The following LHFPL3 variants were observed in gnomAD, a reference collection of about 807,000 sequenced individuals.
LHFPL3 encodes the protein LHFPL tetraspan subfamily member 3 protein.
LHFPL3 carries 5 observed loss-of-function variants against 19.3 expected under a neutral mutation model. The observed-to-expected ratio is 0.26, with a 90% CI of 0.14 to 0.54. LHFPL3 has a LOEUF of 0.54. Among genes scored for constraint, LHFPL3 ranks in the 20% least tolerant of loss-of-function variants. The pLI is 0.94. For synonymous variants in LHFPL3, 133 were observed against 126.2 expected, an observed-to-expected ratio of 1.05 and a Z score of -0.36; for missense variants, 249 against 307.4, an observed-to-expected ratio of 0.81 and a Z score of 1.42.
intron 1 of LHFPL3, among the ~76,000 whole-genome samples, chr7:104,670,138 CTTTTT>C (rs71155516): frequency 7.1e-6 from 1 of 140,582 alleles, no homozygotes; most frequent in Non-Finnish European, 1.5e-5. Flanking sequence ...GAGGGAATTC[CTTTTT>C]TTTTTTTTTT....
At position 104,383,546 on chromosome 7, in the gene LHFPL3, A is replaced by G. The variant is rs558701076; in HGVS notation, c.445+54322A>G. On this transcript the variant is annotated intron_variant, in intron 1 of 2. Transcript: ENST00000424859. ...AGCATTTACAGATTGAATACACAAC[A>G]CCTGGCTTCTCTTTCAAGGTGATCC... Among the ~76,000 whole-genome samples, 3 of 152,218 alleles carry G rather than the reference A, an allele frequency of 2.0e-5. No homozygotes were observed. The East Asian group carries it at 5.8e-4, about 29-fold the overall frequency.
In LHFPL3 at chr7:104,906,250, G is replaced by A. The variant is rs372641296; in HGVS notation, c.*35G>A. ...AAATCGAATAACAGCTAAACAAATC[G>A]AATAACAGCTAAACGAATCGAATAA... On this transcript the variant is annotated 3_prime_UTR_variant, in exon 3 of 3. Transcript: ENST00000424859. The A allele has an allele frequency of 2.6e-5, 41 of 1,595,954 alleles. No individual in the cohort carries two copies. In the Admixed American group the frequency reaches 3.1e-4, roughly 12 times the overall value.
chr7:104,671,484 A>G (rs1476415347), intron 1 of LHFPL3, among the ~76,000 whole-genome samples: 5 of 149,720 alleles, frequency 3.3e-5, no homozygotes, highest in African/African-American at 1.2e-4. Flanking sequence ...CTGTAGACTT[A>G]TTACCTGGGA....
rs888755355 is a variant in LHFPL3, at chr7:104,562,993, C to T, written c.446-173682C>T. On this transcript the variant is annotated intron_variant, in intron 1 of 2. Transcript: ENST00000424859. Reference sequence around the variant, plus strand: ...GGGGGTGCTTGCCAGTTAGGCTGCTCGGGGGTCAGGGGTCAGGGACCCACT... The same window carrying T: ...GGGGGTGCTTGCCAGTTAGGCTGCTTGGGGGTCAGGGGTCAGGGACCCACT... Among the ~76,000 whole-genome samples, 12 of 151,198 alleles carry T rather than the reference C, an allele frequency of 7.9e-5. No homozygotes were observed. In the East Asian group the frequency reaches 9.8e-4, roughly 12 times the overall value.
chr7:104,543,155 G>C (rs555552415), intron 1 of LHFPL3, among the ~76,000 whole-genome samples: 1 of 152,216 alleles, frequency 6.6e-6, no homozygotes, highest in East Asian at 1.9e-4. Flanking sequence ...GCCTGACAGG[G>C]GGTGAGGGGT....
chr7:104,585,624 T>G (rs1412711704), intron 1 of LHFPL3, among the ~76,000 whole-genome samples: 1 of 152,048 alleles, frequency 6.6e-6, no homozygotes. Flanking sequence ...TAACTTTCAC[T>G]GCCTCCAAGT....
intron 1 of LHFPL3, among the ~76,000 whole-genome samples, chr7:104,687,199 T>C (rs1792822825): frequency 6.6e-6 from 1 of 152,216 alleles, no homozygotes. Context: ...TTTACCTACT[T>C]ATTATAAAGG....
chr7:104,717,080 T>C (rs1793401522), intron 1 of LHFPL3, among the ~76,000 whole-genome samples: 1 of 152,140 alleles, frequency 6.6e-6, no homozygotes, highest in African/African-American at 2.4e-5. Flanking sequence ...AAAAAAATGA[T>C]GTTGGGTAAA....
chr7:104,561,859 C>A (rs1228047769), intron 1 of LHFPL3, among the ~76,000 whole-genome samples: 1 of 152,116 alleles, frequency 6.6e-6, no homozygotes, highest in African/African-American at 2.4e-5. Flanking sequence ...CCTTCAGGAG[C>A]TCTTGTAAGG....
intron 1 of LHFPL3, among the ~76,000 whole-genome samples, chr7:104,657,219 A>G (rs1792137103): frequency 6.6e-6 from 1 of 152,230 alleles, no homozygotes; most frequent in African/African-American, 2.4e-5. Context: ...ATCCAACTCT[A>G]TATATTCTTA....
At chr7:104,690,382 A>G (rs1792885112) in intron 1 of LHFPL3, among the ~76,000 whole-genome samples, 1 of 152,266 alleles carries the variant, frequency 6.6e-6, no homozygotes. Flanking sequence ...TACCTTCACT[A>G]TCCTACCTCA....
At chr7:104,441,524 T>A (rs565416952) in intron 1 of LHFPL3, among the ~76,000 whole-genome samples, 625 of 152,260 alleles carry the variant, frequency 4.1e-3, no homozygotes, top group African/African-American at 0.015. Flanking sequence ...TTGTGAATAA[T>A]GCTGCAATGA....
chr7:104,861,631 T>C (rs1427532500), intron 2 of LHFPL3, among the ~76,000 whole-genome samples: 1 of 152,084 alleles, frequency 6.6e-6, no homozygotes, highest in Non-Finnish European at 1.5e-5. Context: ...GCAGAAGTGG[T>C]GGCCTTCTCT....
intron 2 of LHFPL3, among the ~76,000 whole-genome samples, chr7:104,833,052 A>AATAGATATATTATATATATATC (rs1554349416): frequency 1.1e-3 from 8 of 7,204 alleles, no homozygotes; most frequent in African/African-American, 2.9e-3. Flanking sequence ...TATTATATAT[A>AATAGATATATTATATATATATC]TATTATATAT....
At chr7:104,478,389 C>T in intron 1 of LHFPL3, among the ~76,000 whole-genome samples, 1 of 152,056 alleles carries the variant, frequency 6.6e-6, no homozygotes. Context: ...TTTGGGGGCT[C>T]TTGGGGGTAG....
At chr7:104,396,044 A>G (rs1346780595) in intron 1 of LHFPL3, among the ~76,000 whole-genome samples, 1 of 152,178 alleles carries the variant, frequency 6.6e-6, no homozygotes, top group Non-Finnish European at 1.5e-5. Context: ...GATCACCCAG[A>G]CAGCTCCTCT....
intron 1 of LHFPL3, among the ~76,000 whole-genome samples, chr7:104,729,137 GT>G (rs894934630): frequency 3.3e-5 from 5 of 152,188 alleles, no homozygotes; most frequent in African/African-American, 9.6e-5. Context: ...ATTTTGCAGT[GT>G]TTTTCAGCCT....
intron 2 of LHFPL3, among the ~76,000 whole-genome samples, chr7:104,843,518 G>A (rs1346497413): frequency 1.3e-5 from 2 of 152,152 alleles, no homozygotes; most frequent in East Asian, 3.8e-4. Flanking sequence ...TTCCAAGGTC[G>A]CTTTTCATTT....
intron 1 of LHFPL3, among the ~76,000 whole-genome samples, chr7:104,607,764 T>C (rs927551952): frequency 3.9e-5 from 6 of 152,030 alleles, no homozygotes; most frequent in Non-Finnish European, 8.8e-5. Flanking sequence ...AAAGGGCTAA[T>C]ATCCAGAATC....
Sources: gnomAD v4.1 joint callset for allele counts (sites outside exome capture counted in the v4.1 genomes callset) on GRCh38, gnomAD v4.1.1 for gene constraint, MANE v1.5 for transcripts, NCBI Gene and HGNC (gene_info 2026-07-23, HGNC 2026-07-21) for gene names.